Variants in TBC1D1 observed in about 807,000 individuals in gnomAD.
The protein encoded by TBC1D1 is TBC1 domain family member 1.
In TBC1D1, 89 loss-of-function variants were observed where a neutral mutation model predicts 125.6. That is an observed-to-expected ratio of 0.71 (90% confidence interval 0.60 to 0.85). The LOEUF (loss-of-function observed/expected upper bound fraction) is 0.85, where lower values mean the gene tolerates loss of function less well. TBC1D1 is among the 40% of genes least tolerant of loss of function. The pLI is 0.00. For synonymous variants in TBC1D1, 565 were observed against 564.1 expected, an observed-to-expected ratio of 1.00 and a Z score of -0.02; for missense variants, 1,377 against 1,469.2, an observed-to-expected ratio of 0.94 and a Z score of 1.03.
intron 17 of TBC1D1, chr4:38,118,402 T>C (rs1763321541): frequency 3.4e-6 from 2 of 585,020 alleles, no homozygotes; most frequent in Non-Finnish European, 6.0e-6. Flanking sequence ...CCTAGATGCC[T>C]TCATCTTGTG....
At chr4:37,981,525 A>G (rs1266895211) in intron 2 of TBC1D1, among the ~76,000 whole-genome samples, 5 of 152,182 alleles carry the variant, frequency 3.3e-5, no homozygotes, top group Admixed American at 2.6e-4. Context: ...TAGGTGAACA[A>G]GATTATTTCA....
chr4:38,069,353 T>C (rs1754299307), intron 12 of TBC1D1, among the ~76,000 whole-genome samples: 1 of 152,188 alleles, frequency 6.6e-6, no homozygotes. Context: ...CTTAGCCCCC[T>C]ACCTGTAGGC....
chr4:38,046,843 A>C (rs1749584058), intron 10 of TBC1D1, among the ~76,000 whole-genome samples: 1 of 152,166 alleles, frequency 6.6e-6, no homozygotes, highest in Admixed American at 6.5e-5. Context: ...GTTTTGTGCT[A>C]GGGAGGCCAG....
At chr4:37,911,079 C>T (rs1224690196) in intron 2 of TBC1D1, among the ~76,000 whole-genome samples, 2 of 149,878 alleles carry the variant, frequency 1.3e-5, no homozygotes, top group Non-Finnish European at 3.0e-5. Flanking sequence ...AAAGTATTTC[C>T]AGAAGTAATA....
In TBC1D1 at chr4:38,137,526, GT is replaced by G. The variant is rs1411869468; in HGVS notation, c.*196del. 5.2e-6 allele frequency: 4 copies of G among 762,764 alleles called. No homozygotes were observed. The highest frequency in any genetic ancestry group is 7.4e-6 in the Non-Finnish European group (4 of 543,596). 47.2% of individuals were successfully genotyped at this position (762,764 alleles called of 1,614,324 possible). On this transcript the variant is annotated 3_prime_UTR_variant, in exon 20 of 20. Transcript: ENST00000261439. Reference sequence around the variant, plus strand: ...GGCATGTCCCAGTGTTTTTTTTGTTGTTTTTAGATACTAAATCGTCCCTTCT... The same window carrying G: ...GGCATGTCCCAGTGTTTTTTTTGTTGTTTTAGATACTAAATCGTCCCTTCT...
At chr4:38,056,302 G>A (rs1320186566) in intron 12 of TBC1D1, among the ~76,000 whole-genome samples, 7 of 152,154 alleles carry the variant, frequency 4.6e-5, no homozygotes, top group African/African-American at 1.7e-4. Flanking sequence ...CCTGTCCTCC[G>A]AAGAGCCTCT....
chr4:37,938,003 CG>C (rs1275220693), intron 2 of TBC1D1, among the ~76,000 whole-genome samples: 2 of 152,122 alleles, frequency 1.3e-5, no homozygotes, highest in African/African-American at 4.8e-5. Context: ...GTATTCACTC[CG>C]CCTTTGCCCT....
chr4:38,056,867 C>T (rs1379254027), intron 12 of TBC1D1, among the ~76,000 whole-genome samples: 3 of 152,132 alleles, frequency 2.0e-5, no homozygotes, highest in African/African-American at 7.2e-5. Context: ...TAGTTTGTAC[C>T]TATAAAGTAT....
At chr4:37,940,079 T>TG in intron 2 of TBC1D1, among the ~76,000 whole-genome samples, 1 of 152,364 alleles carries the variant, frequency 6.6e-6, no homozygotes, top group East Asian at 1.9e-4. Flanking sequence ...GGTAGCTTAA[T>TG]GGGGATGGCA....
intron 8 of TBC1D1, among the ~76,000 whole-genome samples, chr4:38,035,994 T>C (rs561739498): frequency 6.6e-6 from 1 of 152,284 alleles, no homozygotes; most frequent in East Asian, 1.9e-4. Context: ...CTGCTTGGCT[T>C]GCAGGGAGCT....
chr4:37,892,734 C>CGACAGCAT (rs1713625761), intron 1 of TBC1D1, among the ~76,000 whole-genome samples: 2 of 152,166 alleles, frequency 1.3e-5, no homozygotes, highest in African/African-American at 4.8e-5. Context: ...CTTTTCACCA[C>CGACAGCAT]GACAGCATTT....
intron 2 of TBC1D1, among the ~76,000 whole-genome samples, chr4:37,946,165 G>C (rs1462858875): frequency 6.6e-6 from 1 of 152,208 alleles, no homozygotes; most frequent in Non-Finnish European, 1.5e-5. Flanking sequence ...TGTCTTGACT[G>C]TCATACAAAT....
chr4:37,932,592 G>A (rs191908351), intron 2 of TBC1D1, among the ~76,000 whole-genome samples: 1 of 152,182 alleles, frequency 6.6e-6, no homozygotes, highest in Admixed American at 6.5e-5. Context: ...TTCAGAGCAG[G>A]AATGGCCCTG....
chr4:37,981,990 GTTT>G (rs762212398), intron 2 of TBC1D1, among the ~76,000 whole-genome samples: 2 of 152,216 alleles, frequency 1.3e-5, no homozygotes, highest in Non-Finnish European at 2.9e-5. Flanking sequence ...TTGCTATCTT[GTTT>G]GTCTGTGTTT....
intron 12 of TBC1D1, among the ~76,000 whole-genome samples, chr4:38,056,645 C>CA (rs1751763909): frequency 6.6e-6 from 1 of 151,902 alleles, no homozygotes; most frequent in African/African-American, 2.4e-5. Flanking sequence ...CCTGTCTCTA[C>CA]AAAAAAATAA....
At chr4:37,931,910 T>A (rs1011988908) in intron 2 of TBC1D1, among the ~76,000 whole-genome samples, 4 of 152,234 alleles carry the variant, frequency 2.6e-5, no homozygotes, top group African/African-American at 7.2e-5. Context: ...TGCTGGTAAC[T>A]GAGCAGAATA....
intron 2 of TBC1D1, chr4:37,996,237 TG>T: frequency 7.0e-6 from 2 of 284,426 alleles, no homozygotes; most frequent in South Asian, 7.1e-5. Context: ...TCTGGTCTTC[TG>T]GCCAGTCGCC....
chr4:37,935,240 CTG>C (rs1452684075), intron 2 of TBC1D1, among the ~76,000 whole-genome samples: 2 of 152,200 alleles, frequency 1.3e-5, no homozygotes, highest in African/African-American at 4.8e-5. Flanking sequence ...ACCTCAGTAA[CTG>C]TCGCTTTGAT....
chr4:38,079,579 T>G (rs1756189669), intron 12 of TBC1D1, among the ~76,000 whole-genome samples: 1 of 151,990 alleles, frequency 6.6e-6, no homozygotes, highest in South Asian at 2.1e-4. Context: ...ACAAAAAAAT[T>G]AGCCAGGTGT....
Sources: gnomAD v4.1 joint callset for allele counts (sites outside exome capture counted in the v4.1 genomes callset) on GRCh38, gnomAD v4.1.1 for gene constraint, MANE v1.5 for transcripts, NCBI Gene and HGNC (gene_info 2026-07-23, HGNC 2026-07-21) for gene names.